UBE2E2: variants seen among roughly 807,000 people sequenced by gnomAD.
The protein encoded by UBE2E2 is ubiquitin-conjugating enzyme E2 E2.
In UBE2E2, 6 loss-of-function variants were observed where a neutral mutation model predicts 24.7. The ratio of observed to expected loss-of-function variants is 0.24; its 90% CI spans 0.13 to 0.48. The LOEUF (loss-of-function observed/expected upper bound fraction) is 0.48. UBE2E2 is among the 20% of genes least tolerant of loss of function. UBE2E2 has a pLI of 0.99. For synonymous variants in UBE2E2, 104 were observed against 83.6 expected, an observed-to-expected ratio of 1.24 and a Z score of -1.33; for missense variants, 169 against 245.0, an observed-to-expected ratio of 0.69 and a Z score of 2.07.
intron 3 of UBE2E2, among the ~76,000 whole-genome samples, chr3:23,391,475 A>G (rs1696933692): frequency 1.3e-5 from 2 of 152,194 alleles, no homozygotes; most frequent in African/African-American, 4.8e-5. Context: ...CAAACATTTA[A>G]AAATATGGCC....
chr3:23,420,608 C>G (rs1225242277), intron 3 of UBE2E2, among the ~76,000 whole-genome samples: 1 of 152,188 alleles, frequency 6.6e-6, no homozygotes, highest in Non-Finnish European at 1.5e-5. Flanking sequence ...AAATGCTGTT[C>G]ATAGTTGTAA....
chr3:23,477,253 A>G (rs534944181), intron 3 of UBE2E2, among the ~76,000 whole-genome samples: 3 of 152,236 alleles, frequency 2.0e-5, no homozygotes, highest in Non-Finnish European at 4.4e-5. Context: ...ATGTGTGAAT[A>G]CATTTTTAGG....
At chr3:23,512,841 A>G (rs1261033380) in intron 4 of UBE2E2, among the ~76,000 whole-genome samples, 2 of 152,150 alleles carry the variant, frequency 1.3e-5, no homozygotes, top group Non-Finnish European at 2.9e-5. Flanking sequence ...GCTACTCAGT[A>G]GGCCAATGCA....
At chr3:23,509,844 T>C (rs1036862555) in intron 4 of UBE2E2, among the ~76,000 whole-genome samples, 2 of 151,484 alleles carry the variant, frequency 1.3e-5, no homozygotes, top group Admixed American at 6.6e-5. Context: ...TTTTTGTCCT[T>C]GTGATAGTTT....
intron 3 of UBE2E2, among the ~76,000 whole-genome samples, chr3:23,448,985 A>T (rs1311146348): frequency 6.6e-6 from 1 of 152,216 alleles, no homozygotes. Context: ...AATGGCTTTT[A>T]GAAATGTAAT....
At chr3:23,538,834 A>T (rs1320514138) in intron 5 of UBE2E2, among the ~76,000 whole-genome samples, 1 of 152,178 alleles carries the variant, frequency 6.6e-6, no homozygotes, top group Non-Finnish European at 1.5e-5. Context: ...GTAAATGCAA[A>T]TTTTAAATGA....
In UBE2E2 at chr3:23,416,454, C is replaced by A. The variant is rs1697635397; in HGVS notation, c.228-83154C>A. ...CTGATGGGCTTCCCTTTGTGGGTAA[C>A]CTGACGTTTCTCTCTGGCTGCCCTT... On this transcript the variant is annotated intron_variant, in intron 3 of 5. Coordinates refer to ENST00000396703, the MANE Select transcript of UBE2E2 (RefSeq NM_152653.4). Among the ~76,000 whole-genome samples the A allele has an allele frequency of 2.0e-5, 3 of 152,128 alleles. 1 individual carries two copies. The South Asian group carries it at 6.2e-4, about 32-fold the overall frequency.
intron 3 of UBE2E2, among the ~76,000 whole-genome samples, chr3:23,287,455 A>G (rs1698647275): frequency 6.6e-6 from 1 of 152,176 alleles, no homozygotes; most frequent in South Asian, 2.1e-4. Context: ...ATTGGGAAGT[A>G]TTCCCTTCTC....
At chr3:23,415,922 G>A in intron 3 of UBE2E2, among the ~76,000 whole-genome samples, 1 of 151,788 alleles carries the variant, frequency 6.6e-6, no homozygotes, top group Non-Finnish European at 1.5e-5. Context: ...AGGCCCCAGT[G>A]TGTGATGTTC....
At chr3:23,457,115 G>T (rs1698696081) in intron 3 of UBE2E2, among the ~76,000 whole-genome samples, 1 of 152,178 alleles carries the variant, frequency 6.6e-6, no homozygotes, top group African/African-American at 2.4e-5. Context: ...CTGAGTCATT[G>T]TATGTTGAGG....
At chr3:23,457,334 A>G (rs769134552) in intron 3 of UBE2E2, among the ~76,000 whole-genome samples, 14 of 152,204 alleles carry the variant, frequency 9.2e-5, no homozygotes, top group African/African-American at 1.4e-4. Flanking sequence ...TGAAATAACA[A>G]AAGCTCAAGG....
At chr3:23,341,032 T>C (rs1695373322) in intron 3 of UBE2E2, among the ~76,000 whole-genome samples, 1 of 152,328 alleles carries the variant, frequency 6.6e-6, no homozygotes, top group African/African-American at 2.4e-5. Context: ...ACAAAAATGA[T>C]GAATGTTTCT....
chr3:23,336,717 G>T (rs998928493), intron 3 of UBE2E2, among the ~76,000 whole-genome samples: 2 of 152,116 alleles, frequency 1.3e-5, no homozygotes, highest in African/African-American at 4.8e-5. Context: ...GAACTTTTGA[G>T]AAAAAAATAG....
rs188308435 is a variant in UBE2E2 at position 23,487,044 on chromosome 3, C to T, written c.228-12564C>T. On this transcript the variant is annotated intron_variant, in intron 3 of 5. Coordinates refer to ENST00000396703, the MANE Select transcript of UBE2E2 (RefSeq NM_152653.4). Reference sequence around the variant, plus strand: ...CCAGGCTGTCTATGCTGAGGGGTGCCTGCAGGCCCATGCTGAGCTTCCCTC... The same window carrying T: ...CCAGGCTGTCTATGCTGAGGGGTGCTTGCAGGCCCATGCTGAGCTTCCCTC... 4.1e-4 allele frequency among the ~76,000 whole-genome samples: 63 copies of T among 152,316 alleles called. 1 individual carries two copies. The highest frequency in any genetic ancestry group is 1.4e-3 in the African/African-American group (59 of 41,574).
At chr3:23,374,805 T>C (rs1042006736) in intron 3 of UBE2E2, among the ~76,000 whole-genome samples, 4 of 152,328 alleles carry the variant, frequency 2.6e-5, no homozygotes, top group East Asian at 1.9e-4. Flanking sequence ...TATTTTGTTT[T>C]AATTATTTAT....
At chr3:23,269,102 A>G (rs1398844808) in intron 3 of UBE2E2, among the ~76,000 whole-genome samples, 1 of 152,072 alleles carries the variant, frequency 6.6e-6, no homozygotes, top group Non-Finnish European at 1.5e-5. Flanking sequence ...TAAAAACCCT[A>G]GAAGAAAACC....
At chr3:23,251,288 C>A (rs1205919752) in intron 3 of UBE2E2, among the ~76,000 whole-genome samples, 1 of 152,170 alleles carries the variant, frequency 6.6e-6, no homozygotes, top group Non-Finnish European at 1.5e-5. Flanking sequence ...TTTCCATGAC[C>A]TCCTCCCAAC....
At chr3:23,267,472 C>G (rs1214404170) in intron 3 of UBE2E2, among the ~76,000 whole-genome samples, 1 of 152,142 alleles carries the variant, frequency 6.6e-6, no homozygotes, top group Non-Finnish European at 1.5e-5. Flanking sequence ...GGATAAATTC[C>G]TCGACACATA....
intron 4 of UBE2E2, among the ~76,000 whole-genome samples, chr3:23,506,289 C>A (rs905578280): frequency 6.6e-6 from 1 of 152,182 alleles, no homozygotes; most frequent in Non-Finnish European, 1.5e-5. Context: ...TCTAGTTGAA[C>A]ATCCAGTAGT....
Sources: allele counts gnomAD v4.1 joint callset (sites outside exome capture counted in the v4.1 genomes callset), GRCh38; gene constraint gnomAD v4.1.1; transcripts MANE v1.5; gene names NCBI Gene and HGNC (gene_info 2026-07-23, HGNC 2026-07-21).